ROS1: variants seen among roughly 807,000 people sequenced by gnomAD.
The protein encoded by ROS1 is ROS proto-oncogene 1, receptor tyrosine kinase, also known as proto-oncogene tyrosine-protein kinase ROS.
In ROS1, 263 loss-of-function variants were observed where a neutral mutation model predicts 273.5. The observed-to-expected ratio is 0.96, with a 90% CI of 0.87 to 1.06. The LOEUF is 1.06. Ranked by LOEUF, ROS1 falls within the 50% of genes least tolerant of loss-of-function variation. The probability of loss-of-function intolerance (pLI) is 0.00; values close to 1 mark genes in which losing one functional copy is unlikely to be tolerated. For synonymous variants in ROS1, 1,008 were observed against 954.1 expected (o/e 1.06, Z -1.04); for missense variants, 2,833 against 2,751.1 (o/e 1.03, Z -0.67).
At position 117,287,519 on chromosome 6, in the gene ROS1, G is replaced by A. The variant is rs190969597; in HGVS notation, c.*973C>T. On this transcript the variant is annotated 3_prime_UTR_variant, in exon 44 of 44. Transcript: ENST00000368507. ...TGATTTTATACAACTGAAGATTACAGAATGCAAAACTTCAGGACTTAAAAG... is the reference window on the plus strand; with the variant it reads ...TGATTTTATACAACTGAAGATTACAAAATGCAAAACTTCAGGACTTAAAAG... Among the ~76,000 whole-genome samples the A allele has an allele frequency of 6.6e-6, 1 of 152,084 alleles. No homozygotes were observed. Among genetic ancestry groups the A allele is most frequent in the Non-Finnish European group, 1.5e-5 (1 of 68,018 alleles).
chr6:117,384,223 A>G (rs1478606778), intron 16 of ROS1, among the ~76,000 whole-genome samples: 2 of 152,130 alleles, frequency 1.3e-5, no homozygotes, highest in African/African-American at 4.8e-5. Flanking sequence ...CATCTTTGGC[A>G]CTTATGAATT....
chr6:117,310,009 A>T, intron 41 of ROS1, 72 bp downstream of exon 41: 2 of 1,319,614 alleles, frequency 1.5e-6, no homozygotes, highest in Non-Finnish European at 2.2e-6. Context: ...AAGCAAGATT[A>T]GATGTCCTTT....
Position 117,321,347 on chromosome 6 carries a change from TCA to T in ROS1, c.5669_5670del (p.Val1890AspfsTer12). On this transcript the variant is annotated frameshift_variant, in exon 36 of 44. Transcript: ENST00000368507. LOFTEE classifies it high-confidence loss of function. The part of the protein sequence containing the change: ...LKNQKSAKEG[V>X]TVLINEDKEL... The stretch of plus-strand genomic sequence containing the variant: ...TCTTTGTCTTCGTTTATAAGCACTG[TCA>T]CCCCTTCCTTGGCACTTTTTTGATT... 1 of 1,613,616 alleles carries T rather than the reference TCA, an allele frequency of 6.2e-7. No homozygotes were observed. Among genetic ancestry groups the T allele is most frequent in the Non-Finnish European group, 8.5e-7 (1 of 1,179,764 alleles).
chr6:117,355,840 A>G (rs2128642279), intron 26 of ROS1, among the ~76,000 whole-genome samples: 1 of 152,080 alleles, frequency 6.6e-6, no homozygotes, highest in South Asian at 2.1e-4. Flanking sequence ...TGAACTCCTG[A>G]CCTCAAGTGA....
chr6:117,330,899 A>C (rs1234642777), intron 32 of ROS1, among the ~76,000 whole-genome samples: 1 of 152,174 alleles, frequency 6.6e-6, no homozygotes, highest in Non-Finnish European at 1.5e-5. Flanking sequence ...CCAATGAAAA[A>C]AATGCTGAAA....
chr6:117,343,915 A>G (rs112565471), intron 28 of ROS1, 145 bp downstream of exon 28: 2 of 647,990 alleles, frequency 3.1e-6, no homozygotes, highest in Non-Finnish European at 5.3e-6. Context: ...CTAGAACACA[A>G]TATGTTTTGA....
intron 18 of ROS1, among the ~76,000 whole-genome samples, chr6:117,372,834 A>G (rs117866507): frequency 3.9e-3 from 601 of 152,326 alleles, no homozygotes; most frequent in Admixed American, 7.7e-3. Flanking sequence ...TACACTGTGG[A>G]AAAGGATCCA....
intron 18 of ROS1, among the ~76,000 whole-genome samples, chr6:117,375,113 A>G (rs1284098093): frequency 1.3e-5 from 2 of 152,244 alleles, no homozygotes; most frequent in Admixed American, 6.5e-5. Context: ...CTACTCAGCC[A>G]TAAAAAAGAA....
At chr6:117,338,553 C>T (rs1289814266) in intron 31 of ROS1, among the ~76,000 whole-genome samples, 1 of 137,930 alleles carries the variant, frequency 7.3e-6, no homozygotes, top group Non-Finnish European at 1.7e-5. Flanking sequence ...AAAAAAAAGT[C>T]TTAACTCTTT....
At chr6:117,364,916 T>C in intron 21 of ROS1, 144 bp downstream of exon 21, 1 of 694,994 alleles carries the variant, frequency 1.4e-6, no homozygotes, top group Non-Finnish European at 2.4e-6. Context: ...GCTATTCTAA[T>C]CTCCAAAAAG....
In ROS1 at chr6:117,362,839, T is replaced by C; in HGVS notation, c.3130A>G (p.Ile1044Val). Residue 1044 changes from isoleucine to valine, a missense_variant, in exon 22 of 44, where the codon ATA (isoleucine) becomes GTA (valine). Physicochemically the swap from Ile to Val is conservative, Grantham distance 29 (BLOSUM62 3). Coordinates refer to ENST00000368507, the MANE Select transcript of ROS1 (RefSeq NM_001378902.1). ...TVPSAPENPRIFILPSGKCCN... is the reference protein window; with the variant it reads ...TVPSAPENPRVFILPSGKCCN... Reference sequence around the variant, plus strand: ...CATTTTCCACTTGGTAATATAAATATTCTGGGGTTCTCTGGTGCTGATGGA... The same window carrying C: ...CATTTTCCACTTGGTAATATAAATACTCTGGGGTTCTCTGGTGCTGATGGA... 2 of 1,612,990 alleles carry C rather than the reference T, an allele frequency of 1.2e-6. No individual in the cohort carries two copies. Among genetic ancestry groups the C allele is most frequent in the Non-Finnish European group, 1.7e-6 (2 of 1,179,454 alleles).
At chr6:117,371,552 C>A (rs1344538193) in intron 18 of ROS1, among the ~76,000 whole-genome samples, 1 of 152,104 alleles carries the variant, frequency 6.6e-6, no homozygotes, top group African/African-American at 2.4e-5. Flanking sequence ...AAAATTTAAA[C>A]CGAATACAGT....
intron 18 of ROS1, among the ~76,000 whole-genome samples, chr6:117,377,136 G>GT (rs1486254696): frequency 1.2e-4 from 19 of 152,216 alleles, no homozygotes; most frequent in African/African-American, 4.3e-4. Flanking sequence ...TTTTGACAGA[G>GT]TTTCACTCTT....
rs565403504 is a variant in ROS1 at position 117,338,611 on chromosome 6, A to G, written c.5062-1271T>C. Among the ~76,000 whole-genome samples, 106 of 152,178 alleles carry G rather than the reference A, an allele frequency of 7.0e-4. 1 individual carries two copies. The highest frequency in any genetic ancestry group is 3.4e-3 in the Middle Eastern group (1 of 294). ...CTGGTGGAGAAATTACCTATAGTGA[A>G]TAGTCTAGGTAACCCAACATTCCAA... On this transcript the variant is annotated intron_variant, in intron 31 of 43. Coordinates refer to ENST00000368507, the MANE Select transcript of ROS1 (RefSeq NM_001378902.1).
chr6:117,291,554 C>T (rs938846623), intron 43 of ROS1, among the ~76,000 whole-genome samples: 22 of 152,148 alleles, frequency 1.4e-4, no homozygotes, highest in African/African-American at 5.1e-4. Flanking sequence ...AGAGGAAAGG[C>T]TCAACAATGG....
chr6:117,424,089 C>A (rs769012238), intron 1 of ROS1, among the ~76,000 whole-genome samples: 2 of 151,862 alleles, frequency 1.3e-5, no homozygotes, highest in Non-Finnish European at 1.5e-5. Context: ...ATAAATAAAA[C>A]GACAGTAAAA....
chr6:117,373,159 T>C (rs1373114232), intron 18 of ROS1, among the ~76,000 whole-genome samples: 1 of 152,228 alleles, frequency 6.6e-6, no homozygotes, highest in Non-Finnish European at 1.5e-5. Flanking sequence ...TTGGTGCATA[T>C]ACAATCCTCC....
In ROS1 at chr6:117,300,086, C is replaced by CTTTTTTTTTTTTTTT. The variant is rs10700318; in HGVS notation, c.6715+873_6715+887dup. On this transcript the variant is annotated intron_variant, in intron 43 of 43. Transcript: ENST00000368507. ...TACAGGCGCCCGCCACCAGGACAGG[C>CTTTTTTTTTTTTTTT]TTTTTTTTTTTTTTTTTTTTTTTTT... 4.1e-4 allele frequency among the ~76,000 whole-genome samples: 13 copies of CTTTTTTTTTTTTTTT among 31,832 alleles called. 2 individuals are homozygous for CTTTTTTTTTTTTTTT. The highest frequency in any genetic ancestry group is 1.1e-3 in the Admixed American group (2 of 1,830). 20.9% of individuals were successfully genotyped at this position (31,832 alleles called of 152,430 possible). A position where few individuals can be genotyped will look rare whatever the true frequency, so the allele number is the denominator to read the frequency against.
intron 32 of ROS1, among the ~76,000 whole-genome samples, chr6:117,334,142 CA>C (rs1387748468): frequency 6.6e-6 from 1 of 152,190 alleles, no homozygotes; most frequent in Non-Finnish European, 1.5e-5. Context: ...GCAACTTCAG[CA>C]AAGTCTCAAG....
Sources: gnomAD v4.1 joint callset for allele counts (sites outside exome capture counted in the v4.1 genomes callset) on GRCh38, gnomAD v4.1.1 for gene constraint, MANE v1.5 for transcripts, NCBI Gene and HGNC (gene_info 2026-07-23, HGNC 2026-07-21) for gene names.